The following ELMOD2 variants were observed in gnomAD, a reference collection of about 807,000 sequenced individuals.
ELMOD2 encodes ELMO domain containing 2.
ELMOD2 carries 28 observed loss-of-function variants against 41.0 expected under a neutral mutation model. That is an observed-to-expected ratio of 0.68 (90% CI 0.51 to 0.94). The LOEUF (loss-of-function observed/expected upper bound fraction) is 0.94, where lower values mean the gene tolerates loss of function less well. Among genes scored for constraint, ELMOD2 ranks in the 40% least tolerant of loss-of-function variants. ELMOD2 has a pLI of 0.00. For synonymous variants in ELMOD2, 106 were observed against 107.2 expected (o/e 0.99, Z 0.07); for missense variants, 333 against 343.1 (o/e 0.97, Z 0.23).
chr4:140,550,455 CA>C lies in ELMOD2; in HGVS notation c.*82del. On this transcript the variant is annotated 3_prime_UTR_variant, in exon 9 of 9. Transcript: ENST00000323570. The stretch of plus-strand genomic sequence containing the variant: ...TATGTTGTAATAGGAATTATCTGAT[CA>C]ATTACACTCTTATATATAATTTCCT... The C allele has an allele frequency of 7.5e-7, 1 of 1,325,630 alleles. No homozygotes were observed. Among genetic ancestry groups the C allele is most frequent in the Admixed American group, 2.4e-5 (1 of 40,910 alleles). 82.1% of individuals were successfully genotyped at this position (1,325,630 alleles called of 1,614,324 possible).
At chr4:140,548,550 G>T (rs1227790003) in intron 8 of ELMOD2, among the ~76,000 whole-genome samples, 1 of 152,056 alleles carries the variant, frequency 6.6e-6, no homozygotes, top group African/African-American at 2.4e-5. Context: ...ATTAAAATGG[G>T]ATTTCCATTT....
rs1037157747 is a variant in ELMOD2, at chr4:140,527,349, A to G, written c.143-117A>G. 76 of 803,004 alleles carry G rather than the reference A, an allele frequency of 9.5e-5. No homozygotes were observed. In the South Asian group the frequency reaches 1.0e-3, roughly 11 times the overall value. 49.7% of individuals were successfully genotyped at this position (803,004 alleles called of 1,614,324 possible). A position where few individuals can be genotyped will look rare whatever the true frequency, so the allele number is the denominator to read the frequency against. On this transcript the variant is annotated intron_variant, in intron 2 of 8. Coordinates refer to ENST00000323570, the MANE Select transcript of ELMOD2 (RefSeq NM_153702.4). ...ATGCTTCCTGTTATATAGAAATTATATCTCCTGGAACTATTAGTTTGTTAC... is the reference window on the plus strand; with the variant it reads ...ATGCTTCCTGTTATATAGAAATTATGTCTCCTGGAACTATTAGTTTGTTAC...
chr4:140,528,502 A>T (rs2110821892), intron 3 of ELMOD2, among the ~76,000 whole-genome samples: 1 of 152,314 alleles, frequency 6.6e-6, no homozygotes, highest in South Asian at 2.1e-4. Context: ...ATATTTTAGG[A>T]ATTTTTTATA....
chr4:140,538,430 G>T (rs1190112174), intron 5 of ELMOD2, among the ~76,000 whole-genome samples: 1 of 152,056 alleles, frequency 6.6e-6, no homozygotes, highest in Non-Finnish European at 1.5e-5. Context: ...AACAATAAAG[G>T]CTTTTTTTTC....
intron 4 of ELMOD2, among the ~76,000 whole-genome samples, 190 bp downstream of exon 4, chr4:140,536,020 C>T (rs540211690): frequency 1.3e-5 from 2 of 152,292 alleles, no homozygotes; most frequent in East Asian, 3.9e-4. Flanking sequence ...GAACCTGTAT[C>T]TCTTGGTTTC....
intron 8 of ELMOD2, among the ~76,000 whole-genome samples, chr4:140,544,836 C>T (rs1382943595): frequency 3.9e-5 from 6 of 152,230 alleles, no homozygotes; most frequent in East Asian, 3.9e-4. Context: ...TCAGTTTAGA[C>T]GTGCTCTTCT....
chr4:140,544,662 C>G (rs551522296), intron 8 of ELMOD2, among the ~76,000 whole-genome samples: 1 of 152,052 alleles, frequency 6.6e-6, no homozygotes, highest in African/African-American at 2.4e-5. Flanking sequence ...CCCCTCTCAC[C>G]CCCACAGACT....
chr4:140,527,793 T>G, intron 3 of ELMOD2: 1 of 319,016 alleles, frequency 3.1e-6, no homozygotes, highest in Non-Finnish European at 5.7e-6. Flanking sequence ...TCTTTTAGAC[T>G]GTGTCCTCAG....
chr4:140,524,570 A>G, intron 1 of ELMOD2: 1 of 984,692 alleles, frequency 1.0e-6, no homozygotes, highest in Non-Finnish European at 1.2e-6. Flanking sequence ...TTTTCAAGAT[A>G]ATGATCAACC....
intron 3 of ELMOD2, among the ~76,000 whole-genome samples, chr4:140,534,523 C>T (rs1326444907): frequency 6.6e-6 from 1 of 152,116 alleles, no homozygotes; most frequent in East Asian, 1.9e-4. Flanking sequence ...GTGCCTTTCA[C>T]TGTATTTAAA....
At chr4:140,541,384 G>A (rs889816085) in intron 6 of ELMOD2, among the ~76,000 whole-genome samples, 9 of 151,834 alleles carry the variant, frequency 5.9e-5, no homozygotes, top group African/African-American at 2.2e-4. Flanking sequence ...TTAAGATTGA[G>A]GTTAACTAAA....
At chr4:140,542,754 G>T in intron 7 of ELMOD2, 112 bp downstream of exon 7, 3 of 846,190 alleles carry the variant, frequency 3.5e-6, no homozygotes, top group Non-Finnish European at 5.2e-6. Context: ...ATTTTAATAA[G>T]AACTTTTTAA....
At chr4:140,524,637 T>G in intron 1 of ELMOD2, 1 of 985,468 alleles carries the variant, frequency 1.0e-6, no homozygotes. Context: ...ACTTCGACAG[T>G]CCCTCCTCAG....
chr4:140,542,853 T>C lies in ELMOD2; in HGVS notation c.602+211T>C, dbSNP rs544670913. On this transcript the variant is annotated intron_variant, in intron 7 of 8. Coordinates refer to ENST00000323570, the MANE Select transcript of ELMOD2 (RefSeq NM_153702.4). ...TTCAGTATATTTTTATCACAAGATA[T>C]AGTTTATCTATACAATGGAGATAAG... Among the ~76,000 whole-genome samples, 15 of 152,042 alleles carry C rather than the reference T, an allele frequency of 9.9e-5. No individual in the cohort carries two copies. The South Asian group carries it at 1.7e-3, about 17-fold the overall frequency.
chr4:140,527,390 A>G (rs761002200), intron 2 of ELMOD2, 76 bp from the exon 3 acceptor site: 10 of 1,107,756 alleles, frequency 9.0e-6, no homozygotes, highest in Admixed American at 2.2e-5. Flanking sequence ...TGATATTTTT[A>G]CTAGTTGTTT....
chr4:140,525,254 A>G (rs1311595980), intron 1 of ELMOD2, 166 bp from the exon 2 acceptor site: 2 of 634,422 alleles, frequency 3.2e-6, no homozygotes, highest in Non-Finnish European at 5.1e-6. Flanking sequence ...TAATAGCGGT[A>G]TATATTACAC....
At chr4:140,539,359 G>GTT (rs796777213) in intron 5 of ELMOD2, among the ~76,000 whole-genome samples, 1 of 141,882 alleles carries the variant, frequency 7.0e-6, no homozygotes. Flanking sequence ...TAGTTGGTTT[G>GTT]TTTTTTTTTT....
At chr4:140,530,680 C>G (rs555894238) in intron 3 of ELMOD2, among the ~76,000 whole-genome samples, 1 of 152,146 alleles carries the variant, frequency 6.6e-6, no homozygotes, top group African/African-American at 2.4e-5. Flanking sequence ...GAAATTAAAT[C>G]ACTTAACGAT....
chr4:140,525,630 A>T, intron 2 of ELMOD2, 60 bp downstream of exon 2: 3 of 1,517,798 alleles, frequency 2.0e-6, no homozygotes, highest in Middle Eastern at 3.5e-4. Context: ...TTTTCTCAGG[A>T]CTCACAGTGA....
Sources: gnomAD v4.1 joint callset for allele counts (sites outside exome capture counted in the v4.1 genomes callset) on GRCh38, gnomAD v4.1.1 for gene constraint, MANE v1.5 for transcripts, NCBI Gene and HGNC (gene_info 2026-07-23, HGNC 2026-07-21) for gene names.